The following ANXA8 variants were observed in gnomAD, a reference collection of about 807,000 sequenced individuals.
ANXA8 encodes annexin A8.
A neutral mutation model predicts 26.8 loss-of-function variants in ANXA8; 9 were observed. The ratio of observed to expected loss-of-function variants is 0.34; its 90% CI spans 0.20 to 0.59. The LOEUF is 0.59. ANXA8 is among the 20% of genes least tolerant of loss of function. The pLI is 0.84. For synonymous variants in ANXA8, 39 were observed against 94.8 expected, an observed-to-expected ratio of 0.41 and a Z score of 3.42; for missense variants, 83 against 238.5, an observed-to-expected ratio of 0.35 and a Z score of 4.29.
chr10:47,489,363 A>G, the ANXA8 span, among the ~76,000 whole-genome samples: 3 of 150,366 alleles, frequency 2.0e-5, no homozygotes, highest in African/African-American at 7.3e-5. Flanking sequence ...GTCTTGTGTG[A>G]CTTTGTCTTC....
At chr10:47,557,022 T>A in the ANXA8 span, among the ~76,000 whole-genome samples, 1 of 135,492 alleles carries the variant, frequency 7.4e-6, no homozygotes, top group Non-Finnish European at 1.6e-5. Flanking sequence ...TTTTTTTTTT[T>A]TTGAGATGGA....
the ANXA8 span, among the ~76,000 whole-genome samples, chr10:47,636,481 C>T: frequency 6.9e-6 from 1 of 145,142 alleles, no homozygotes; most frequent in Non-Finnish European, 1.5e-5. Context: ...AAGTGTTTTG[C>T]TGTTGTTCCT....
chr10:47,501,779 A>T, the ANXA8 span: 26 of 439,540 alleles, frequency 5.9e-5, 2 homozygotes, highest in Non-Finnish European at 9.9e-5. Flanking sequence ...CATTTATGAA[A>T]TTTTTTTTCA....
At chr10:47,658,916 G>A in the ANXA8 span, among the ~76,000 whole-genome samples, 4 of 148,170 alleles carry the variant, frequency 2.7e-5, no homozygotes, top group Non-Finnish European at 5.9e-5. Context: ...CTGTCGCCCA[G>A]GCTGGAGTGC....
chr10:47,607,755 T>C, the ANXA8 span, among the ~76,000 whole-genome samples: 1 of 108,516 alleles, frequency 9.2e-6, no homozygotes, highest in South Asian at 3.3e-4. Flanking sequence ...GTTAAAAATG[T>C]AAAAATTCAT....
chr10:47,592,634 C>T, the ANXA8 span, among the ~76,000 whole-genome samples: 2 of 144,964 alleles, frequency 1.4e-5, no homozygotes, highest in East Asian at 2.0e-4. Flanking sequence ...ACAGCCAGTG[C>T]TTGAAGCTTA....
At chr10:47,900,928 AC>A in the ANXA8 span, among the ~76,000 whole-genome samples, 2 of 65,608 alleles carry the variant, frequency 3.0e-5, no homozygotes, top group African/African-American at 2.0e-4. Flanking sequence ...CTTCCTGGTT[AC>A]AATGGTACAA....
chr10:47,586,606 G>C, the ANXA8 span, among the ~76,000 whole-genome samples: 2 of 146,074 alleles, frequency 1.4e-5, no homozygotes, highest in East Asian at 1.9e-4. Context: ...TGGCCTGCAG[G>C]CTCACATTCC....
At chr10:47,585,531 G>A in the ANXA8 span, among the ~76,000 whole-genome samples, 2 of 143,280 alleles carry the variant, frequency 1.4e-5, no homozygotes, top group Admixed American at 1.4e-4. Flanking sequence ...CATACCTGCA[G>A]GTCTGATTTG....
chr10:47,626,005 C>T, the ANXA8 span, among the ~76,000 whole-genome samples: 18 of 150,124 alleles, frequency 1.2e-4, no homozygotes, highest in Non-Finnish European at 1.6e-4. Flanking sequence ...TTTCACTTGA[C>T]GTAAAGTCTC....
At chr10:47,666,082 A>G in the ANXA8 span, among the ~76,000 whole-genome samples, 32 of 150,764 alleles carry the variant, frequency 2.1e-4, no homozygotes, top group South Asian at 6.2e-3. Flanking sequence ...CTTCAGTAGA[A>G]CAAGAATCTT....
At chr10:47,671,193 C>A in the ANXA8 span, among the ~76,000 whole-genome samples, 2 of 151,950 alleles carry the variant, frequency 1.3e-5, no homozygotes, top group East Asian at 3.9e-4. Context: ...GAGGCTCAGG[C>A]GGATGGATCA....
the ANXA8 span, among the ~76,000 whole-genome samples, chr10:47,501,059 A>C: frequency 2.8e-4 from 40 of 143,118 alleles, no homozygotes; most frequent in African/African-American, 8.4e-4. Flanking sequence ...ACACCTGGCT[A>C]ATTTTTTTTT....
the ANXA8 span, among the ~76,000 whole-genome samples, chr10:47,744,412 G>A: frequency 2.2e-4 from 1 of 4,510 alleles, no homozygotes; most frequent in Admixed American, 3.5e-3. Context: ...GGCTCCTGGT[G>A]GGGGGGGGGT....
the ANXA8 span, among the ~76,000 whole-genome samples, chr10:47,617,185 GC>G: frequency 1.7e-5 from 1 of 57,610 alleles, no homozygotes; most frequent in African/African-American, 8.6e-5. Flanking sequence ...TGAAACAGGG[GC>G]CTAAATAAAC....
the ANXA8 span, among the ~76,000 whole-genome samples, chr10:47,743,281 C>CACACATATATATAT: frequency 1.1e-3 from 68 of 64,708 alleles, 2 homozygotes; most frequent in Middle Eastern, 0.014. Flanking sequence ...TATATATACA[C>CACACATATATATAT]ACATATATAT....
chr10:47,746,935 A>G, the ANXA8 span, among the ~76,000 whole-genome samples: 14 of 123,440 alleles, frequency 1.1e-4, no homozygotes, highest in African/African-American at 4.3e-4. Context: ...TGAGAAAAGA[A>G]TTCTGAGAAT....
the ANXA8 span, among the ~76,000 whole-genome samples, chr10:47,660,365 G>C: frequency 6.6e-6 from 1 of 150,740 alleles, no homozygotes; most frequent in African/African-American, 2.5e-5. Flanking sequence ...CCTGTAATCA[G>C]GTTCAGCAAA....
chr10:47,981,223 G>GA, the ANXA8 span, among the ~76,000 whole-genome samples: 2 of 151,178 alleles, frequency 1.3e-5, no homozygotes, highest in African/African-American at 4.8e-5. Flanking sequence ...AATAGATGCA[G>GA]AAAAAACATT....
Sources: allele counts gnomAD v4.1 joint callset (sites outside exome capture counted in the v4.1 genomes callset), GRCh38; gene constraint gnomAD v4.1.1; transcripts MANE v1.5; gene names NCBI Gene and HGNC (gene_info 2026-07-23, HGNC 2026-07-21).